PPP1R17: variants seen among roughly 807,000 people sequenced by gnomAD.
PPP1R17 encodes G-substrate.
PPP1R17 carries 12 observed loss-of-function variants against 15.9 expected under a neutral mutation model. The observed-to-expected ratio is 0.75, with a 90% CI of 0.48 to 1.22. The LOEUF (loss-of-function observed/expected upper bound fraction) is 1.22. Among genes scored for constraint, PPP1R17 ranks in the 50% most tolerant of loss-of-function variants. The pLI, the probability that PPP1R17 is intolerant of heterozygous loss-of-function variation, is 0.00. For missense variants in PPP1R17, 211 were observed against 187.3 expected (o/e 1.13, Z -0.74); for synonymous variants, 63 against 64.5 (o/e 0.98, Z 0.11).
At chr7:31,696,427 G>A (rs1792586012) in intron 3 of PPP1R17, among the ~76,000 whole-genome samples, 1 of 152,202 alleles carries the variant, frequency 6.6e-6, no homozygotes, top group South Asian at 2.1e-4. Context: ...CTCAGTGTGG[G>A]TAGTGAATTG....
chr7:31,704,891 C>A (rs1793002324), intron 4 of PPP1R17, among the ~76,000 whole-genome samples: 1 of 152,084 alleles, frequency 6.6e-6, no homozygotes, highest in South Asian at 2.1e-4. Flanking sequence ...CAGACCAGTG[C>A]TTCCCAAACC....
chr7:31,688,598 C>A (rs1792207834), intron 1 of PPP1R17, among the ~76,000 whole-genome samples: 1 of 152,348 alleles, frequency 6.6e-6, no homozygotes, highest in African/African-American at 2.4e-5. Context: ...TGACCTTTGT[C>A]ATTAACAATC....
At chr7:31,703,413 C>G (rs1289130223) in intron 4 of PPP1R17, among the ~76,000 whole-genome samples, 1 of 152,122 alleles carries the variant, frequency 6.6e-6, no homozygotes, top group Admixed American at 6.5e-5. Flanking sequence ...AAATGTTTAT[C>G]AAACAACACA....
At chr7:31,691,797 T>TAAAAAAAAAAA (rs377169335) in intron 1 of PPP1R17, among the ~76,000 whole-genome samples, 6 of 86,522 alleles carry the variant, frequency 6.9e-5, no homozygotes, top group South Asian at 4.3e-4. Context: ...ATGTAATGAT[T>TAAAAAAAAAAA]AAAAAAAAAA....
intron 2 of PPP1R17, among the ~76,000 whole-genome samples, chr7:31,692,743 CAGAGAGAGAGAAAG>C (rs1792411385): frequency 6.6e-6 from 1 of 152,064 alleles, no homozygotes; most frequent in Non-Finnish European, 1.5e-5. Context: ...GTTCATTAGA[CAGAGAGAGAGAAAG>C]AGAGAGAGAG....
At position 31,693,503 on chromosome 7, in the gene PPP1R17, C is replaced by A. The variant is rs571926774; in HGVS notation, c.82+980C>A. On this transcript the variant is annotated intron_variant, in intron 2 of 4. Coordinates refer to ENST00000342032, the MANE Select transcript of PPP1R17 (RefSeq NM_006658.5). ...ATACCATAACCTGCCAGCAGTGTAC[C>A]CCTCAGCTTTTTACCTGGCTTTCTG... is the stretch of plus-strand genomic sequence containing the variant. Among the ~76,000 whole-genome samples, 5 of 152,270 alleles carry A rather than the reference C, an allele frequency of 3.3e-5. No individual in the cohort carries two copies. The South Asian group carries it at 6.2e-4, about 19-fold the overall frequency.
At position 31,697,162 on chromosome 7, in the gene PPP1R17, G is replaced by A. The variant is rs772072251; in HGVS notation, c.388+45G>A. 5.6e-6 allele frequency: 9 copies of A among 1,599,464 alleles called. No individual in the cohort carries two copies. In the East Asian group the frequency reaches 1.8e-4, roughly 32 times the overall value. On this transcript the variant is annotated intron_variant, in intron 4 of 4. Coordinates refer to ENST00000342032, the MANE Select transcript of PPP1R17 (RefSeq NM_006658.5). ...GCATTTGCAGGGGGTGATGGGGACAGGTCAAGAACCTTACCATCTGGAGGT... is the reference window on the plus strand; with the variant it reads ...GCATTTGCAGGGGGTGATGGGGACAAGTCAAGAACCTTACCATCTGGAGGT...
In PPP1R17 at chr7:31,692,499, C is replaced by G; in HGVS notation, c.58C>G (p.Leu20Val). The G allele has an allele frequency of 6.2e-7, 1 of 1,610,102 alleles. No homozygotes were observed. Reference protein sequence around the residue: ...LELSEDRLDKLDPRCSHLDDL... With the variant: ...LELSEDRLDKVDPRCSHLDDL... ...ACTCTCAGAAGACAGACTGGACAAG[C>G]TAGACCCTCGTTGCAGCCACTTAGG... Residue 20 changes from leucine to valine, a missense_variant, in exon 2 of 5, where the codon CTA (leucine) becomes GTA (valine). Coordinates refer to ENST00000342032, the MANE Select transcript of PPP1R17 (RefSeq NM_006658.5).
intron 1 of PPP1R17, among the ~76,000 whole-genome samples, chr7:31,688,499 G>C (rs1252232660): frequency 6.6e-6 from 1 of 152,224 alleles, no homozygotes; most frequent in Admixed American, 6.5e-5. Flanking sequence ...CAGCTCCGCT[G>C]GTGTGCCTGC....
chr7:31,687,494 T>C (rs1028305947), intron 1 of PPP1R17, among the ~76,000 whole-genome samples, 188 bp downstream of exon 1: 1 of 152,212 alleles, frequency 6.6e-6, no homozygotes, highest in Admixed American at 6.5e-5. Context: ...AGGGAGGGAA[T>C]GGAGTTCTGT....
Position 31,692,439 on chromosome 7 carries a change from T to C in PPP1R17, c.-3T>C. On this transcript the variant is annotated 5_prime_UTR_variant, in exon 2 of 5. Coordinates refer to ENST00000342032, the MANE Select transcript of PPP1R17 (RefSeq NM_006658.5). ...AAGAAATACATCCACCCACCCTCCT[T>C]TGATGATGTCCACTGAGCAAATGCA... The C allele has an allele frequency of 1.2e-6, 2 of 1,604,096 alleles. No individual in the cohort carries two copies. Among genetic ancestry groups the C allele is most frequent in the East Asian group, 2.2e-5 (1 of 44,788 alleles).
chr7:31,694,396 A>G (rs1330652491), intron 2 of PPP1R17, among the ~76,000 whole-genome samples: 1 of 151,756 alleles, frequency 6.6e-6, no homozygotes, highest in Non-Finnish European at 1.5e-5. Flanking sequence ...AAACACACAC[A>G]CACACACACA....
chr7:31,691,809 A>AAAAAAAAAC (rs1562694134), intron 1 of PPP1R17, among the ~76,000 whole-genome samples: 3 of 150,932 alleles, frequency 2.0e-5, no homozygotes, highest in African/African-American at 4.9e-5. Flanking sequence ...AAAAAAAAAA[A>AAAAAAAAAC]AAAAAAAAAA....
At chr7:31,700,412 G>A (rs556871288) in intron 4 of PPP1R17, among the ~76,000 whole-genome samples, 55 of 152,266 alleles carry the variant, frequency 3.6e-4, no homozygotes, top group African/African-American at 1.3e-3. Flanking sequence ...GAGGAAGCTA[G>A]CAGAGAAGAA....
At chr7:31,689,011 T>C (rs923099446) in intron 1 of PPP1R17, among the ~76,000 whole-genome samples, 9 of 152,238 alleles carry the variant, frequency 5.9e-5, no homozygotes, top group Admixed American at 5.2e-4. Flanking sequence ...TGTCACTTAG[T>C]GTGAATATTC....
chr7:31,705,473 ACTG>A (rs1793028463), intron 4 of PPP1R17, among the ~76,000 whole-genome samples: 1 of 114,730 alleles, frequency 8.7e-6, no homozygotes, highest in East Asian at 4.8e-4. Context: ...AATATCTCCC[ACTG>A]TGTTTCATAA....
intron 4 of PPP1R17, 146 bp downstream of exon 4, chr7:31,697,263 T>A (rs1053159794): frequency 2.0e-6 from 2 of 1,003,164 alleles, no homozygotes; most frequent in African/African-American, 3.3e-5. Flanking sequence ...CCACACTCAG[T>A]GCTACCTTTT....
At chr7:31,700,512 G>A (rs748320266) in intron 4 of PPP1R17, among the ~76,000 whole-genome samples, 1 of 152,236 alleles carries the variant, frequency 6.6e-6, no homozygotes, top group Non-Finnish European at 1.5e-5. Context: ...AAGCGCTGAT[G>A]TAGAAACTGC....
At position 31,695,561 on chromosome 7, in the gene PPP1R17, G is replaced by A; in HGVS notation, c.175G>A (p.Asp59Asn). Residue 59 changes from aspartate (D) to asparagine (N), a missense_variant, in exon 3 of 5, where the codon GAC (aspartate) becomes AAC (asparagine). Asp to Asn is a conservative substitution (Grantham distance 23). Coordinates refer to ENST00000342032, the MANE Select transcript of PPP1R17 (RefSeq NM_006658.5). ...ACAGGCCACCCTGAATGTTGAGTCAGACCAAAAAAAACCAAGGAGGAAAGA... is the reference window on the plus strand; with the variant it reads ...ACAGGCCACCCTGAATGTTGAGTCAAACCAAAAAAAACCAAGGAGGAAAGA... ...NVQATLNVES[D>N]QKKPRRKDTP... The A allele has an allele frequency of 6.2e-7, 1 of 1,613,446 alleles. No homozygotes were observed. Among genetic ancestry groups the A allele is most frequent in the Non-Finnish European group, 8.5e-7 (1 of 1,179,804 alleles).
Sources: allele counts gnomAD v4.1 joint callset (sites outside exome capture counted in the v4.1 genomes callset), GRCh38; gene constraint gnomAD v4.1.1; transcripts MANE v1.5; gene names NCBI Gene and HGNC (gene_info 2026-07-23, HGNC 2026-07-21).